Variants in LARS1 observed in about 807,000 individuals in gnomAD.
LARS1 encodes the protein leucyl-tRNA synthetase 1, also known as leucine--tRNA ligase, cytoplasmic.
A neutral mutation model predicts 162.8 loss-of-function variants in LARS1; 100 were observed. That is an observed-to-expected ratio of 0.61 (90% CI 0.52 to 0.73). LARS1 has a LOEUF of 0.73. LARS1 is among the 30% of genes least tolerant of loss of function. The probability of loss-of-function intolerance (pLI) is 0.00; values close to 1 mark genes in which losing one functional copy is unlikely to be tolerated. For synonymous variants in LARS1, 457 were observed against 462.8 expected (o/e 0.99, Z 0.16); for missense variants, 1,258 against 1,408.9 (o/e 0.89, Z 1.71).
intron 31 of LARS1, among the ~76,000 whole-genome samples, chr5:146,114,568 T>C (rs987765945): frequency 2.6e-5 from 4 of 151,742 alleles, no homozygotes; most frequent in African/African-American, 9.7e-5. Flanking sequence ...ACACCATCTC[T>C]ACTAAAAACA....
At chr5:146,128,811 C>G (rs774590823) in intron 26 of LARS1, 29 bp from the exon 27 acceptor site, 2 of 1,575,288 alleles carry the variant, frequency 1.3e-6, no homozygotes, top group Non-Finnish European at 1.7e-6. Flanking sequence ...GAAAAACATT[C>G]AATAGCTTTT....
chr5:146,158,923 C>T (rs1040944281), intron 8 of LARS1, among the ~76,000 whole-genome samples: 3 of 151,886 alleles, frequency 2.0e-5, no homozygotes, highest in Non-Finnish European at 2.9e-5. Flanking sequence ...GGTGAAACCC[C>T]GTCTCTACTA....
Position 146,154,377 on chromosome 5 carries a change from TAA to T in LARS1, c.1066-399_1066-398del, listed in dbSNP as rs1753426647. On this transcript the variant is annotated intron_variant, in intron 10 of 31. Coordinates refer to ENST00000394434, the MANE Select transcript of LARS1 (RefSeq NM_020117.11). ...TAACTCTTCTCACCACAGAAAATGG[TAA>T]GTACGTAAGGTATAAATTTGTTAAT... Among the ~76,000 whole-genome samples the T allele has an allele frequency of 2.6e-5, 4 of 152,342 alleles. No homozygotes were observed. The South Asian group carries it at 8.3e-4, about 32-fold the overall frequency.
intron 14 of LARS1, among the ~76,000 whole-genome samples, chr5:146,150,143 T>C (rs2126509353): frequency 6.6e-6 from 1 of 150,594 alleles, no homozygotes; most frequent in Non-Finnish European, 1.5e-5. Flanking sequence ...AGCTTGCTCT[T>C]AGAAGGAGGC....
chr5:146,117,157 C>T (rs1751593594), intron 31 of LARS1, among the ~76,000 whole-genome samples: 1 of 151,916 alleles, frequency 6.6e-6, no homozygotes, highest in Non-Finnish European at 1.5e-5. Flanking sequence ...GCCAAAGGCT[C>T]AATGAGAAAA....
intron 8 of LARS1, among the ~76,000 whole-genome samples, chr5:146,158,921 C>A (rs1753648947): frequency 1.3e-5 from 2 of 151,946 alleles, no homozygotes; most frequent in South Asian, 4.2e-4. Flanking sequence ...ACGGTGAAAC[C>A]CCGTCTCTAC....
intron 15 of LARS1, among the ~76,000 whole-genome samples, chr5:146,149,052 G>T (rs1753150882): frequency 6.6e-6 from 1 of 151,962 alleles, no homozygotes; most frequent in South Asian, 2.1e-4. Flanking sequence ...TCCAGTCTGT[G>T]TAACAAGAGC....
At position 146,177,483 on chromosome 5, in the gene LARS1, AAT is replaced by A. The variant is rs36005893; in HGVS notation, c.125+62_125+63del. On this transcript the variant is annotated intron_variant, in intron 2 of 31. Coordinates refer to ENST00000394434, the MANE Select transcript of LARS1 (RefSeq NM_020117.11). ...TCCGTCTCAAAAAAAAAAAAAAAAA[AAT>A]ATATATATATATATATATATATAGA... The A allele has an allele frequency of 3.7e-3, 444 of 120,608 alleles. 5 individuals carry two copies. Among genetic ancestry groups the A allele is most frequent in the Middle Eastern group, 0.028 (7 of 250 alleles). 7.5% of individuals were successfully genotyped at this position (120,608 alleles called of 1,614,324 possible).
At position 146,160,418 on chromosome 5, in the gene LARS1, T is replaced by C; in HGVS notation, c.663A>G (p.Gln221=). 1.9e-6 allele frequency: 3 copies of C among 1,583,132 alleles called. No individual in the cohort carries two copies. Among genetic ancestry groups the C allele is most frequent in the South Asian group, 1.1e-5 (1 of 87,040 alleles). ...TGTTTCTTTCTCTTAATGTTAAAAATTGCCATCTGACAAATGAATCATAGT... is the reference window on the plus strand; with the variant it reads ...TGTTTCTTTCTCTTAATGTTAAAAACTGCCATCTGACAAATGAATCATAGT... ...NPYYDSFVRW[Q]FLTLRERNKI... is the part of the protein sequence containing the mutation. Residue 221 remains glutamine (Q), a synonymous_variant, in exon 7 of 32, where the codon CAA becomes CAG. Coordinates refer to ENST00000394434, the MANE Select transcript of LARS1 (RefSeq NM_020117.11).
rs574598324 is a variant in LARS1 at position 146,169,203 on chromosome 5, AAAAC to A, written c.295-942_295-939del. On this transcript the variant is annotated intron_variant, in intron 4 of 31. Transcript: ENST00000394434. Reference sequence around the variant, plus strand: ...GTAGATAGGATAGGCTTTAAGTCAGAAAACAAACAGAGATGAAGTGATTTACCCA... The same window carrying A: ...GTAGATAGGATAGGCTTTAAGTCAGAAAACAGAGATGAAGTGATTTACCCA... Among the ~76,000 whole-genome samples the A allele has an allele frequency of 2.7e-3, 406 of 152,358 alleles. 1 individual carries two copies. The highest frequency in any genetic ancestry group is 3.4e-3 in the Non-Finnish European group (229 of 68,036).
In LARS1 at chr5:146,113,099, T is replaced by C. The variant is rs1238673167; in HGVS notation, c.*1007A>G. ...GATTGATTGAGACAGAGTTTCACTC[T>C]TGTTGCCTAAGCTGGAGTGCAATGG... On this transcript the variant is annotated 3_prime_UTR_variant, in exon 32 of 32. Coordinates refer to ENST00000394434, the MANE Select transcript of LARS1 (RefSeq NM_020117.11). 7 of 93,988 alleles carry C rather than the reference T, an allele frequency of 7.4e-5. No homozygotes were observed. Among genetic ancestry groups the C allele is most frequent in the African/African-American group, 1.9e-4 (7 of 37,140 alleles). 5.8% of individuals were successfully genotyped at this position (93,988 alleles called of 1,614,324 possible). A position where few individuals can be genotyped will look rare whatever the true frequency, so the allele number is the denominator to read the frequency against.
At chr5:146,124,514 A>C (rs577025663) in intron 28 of LARS1, among the ~76,000 whole-genome samples, 1 of 152,044 alleles carries the variant, frequency 6.6e-6, no homozygotes, top group South Asian at 2.1e-4. Flanking sequence ...AAGCTGTTTC[A>C]GAGAATAGTG....
intron 8 of LARS1, among the ~76,000 whole-genome samples, chr5:146,158,118 T>G (rs2126536590): frequency 6.6e-6 from 1 of 152,314 alleles, no homozygotes; most frequent in East Asian, 1.9e-4. Context: ...AGAGATAATG[T>G]GCTTTCTAAA....
At chr5:146,139,273 G>A (rs564323193) in intron 21 of LARS1, among the ~76,000 whole-genome samples, 2 of 151,504 alleles carry the variant, frequency 1.3e-5, no homozygotes, top group South Asian at 4.2e-4. Flanking sequence ...AATCTGGGAG[G>A]TGGAGGTTGC....
At chr5:146,168,982 T>C (rs1754141369) in intron 4 of LARS1, among the ~76,000 whole-genome samples, 1 of 151,974 alleles carries the variant, frequency 6.6e-6, no homozygotes, top group African/African-American at 2.4e-5. Flanking sequence ...AGTTAATGGG[T>C]GCAGCACACC....
rs112111523 is a variant in LARS1 at position 146,155,352 on chromosome 5, T to C, written c.1066-1372A>G. Among the ~76,000 whole-genome samples, 24 of 152,296 alleles carry C rather than the reference T, an allele frequency of 1.6e-4. 1 individual carries two copies. Among genetic ancestry groups the C allele is most frequent in the African/African-American group, 5.8e-4 (24 of 41,564 alleles). On this transcript the variant is annotated intron_variant, in intron 10 of 31. Transcript: ENST00000394434. Reference sequence around the variant, plus strand: ...ACAAGTCTACCCAATGCTGAGTTAATTATACTAGGAAAGCCTGGAAACAAC... The same window carrying C: ...ACAAGTCTACCCAATGCTGAGTTAACTATACTAGGAAAGCCTGGAAACAAC...
At chr5:146,159,970 T>C (rs1185921036) in intron 7 of LARS1, among the ~76,000 whole-genome samples, 1 of 152,042 alleles carries the variant, frequency 6.6e-6, no homozygotes. Context: ...CACCCTCCCA[T>C]TCTCCCTGGT....
At chr5:146,167,848 G>C (rs1317876444) in intron 5 of LARS1, among the ~76,000 whole-genome samples, 1 of 127,486 alleles carries the variant, frequency 7.8e-6, no homozygotes, top group Admixed American at 8.7e-5. Flanking sequence ...CTTACGCCCG[G>C]CTAATTTTTG....
chr5:146,126,352 T>C (rs770650208), intron 28 of LARS1, 83 bp downstream of exon 28: 9 of 714,124 alleles, frequency 1.3e-5, no homozygotes, highest in Middle Eastern at 2.5e-4. Context: ...CAGGAGACTA[T>C]GTCCAAGGCT....
Sources: allele counts gnomAD v4.1 joint callset (sites outside exome capture counted in the v4.1 genomes callset), GRCh38; gene constraint gnomAD v4.1.1; transcripts MANE v1.5; gene names NCBI Gene and HGNC (gene_info 2026-07-23, HGNC 2026-07-21).